LAMA1: variants seen among roughly 807,000 people sequenced by gnomAD.
LAMA1 encodes the protein laminin subunit alpha-1.
LAMA1 carries 219 observed loss-of-function variants against 348.7 expected under a neutral mutation model. The ratio of observed to expected loss-of-function variants is 0.63; its 90% CI spans 0.56 to 0.70. LAMA1 has a LOEUF of 0.70. Among genes scored for constraint, LAMA1 ranks in the 30% least tolerant of loss-of-function variants. The pLI, the probability that LAMA1 is intolerant of heterozygous loss-of-function variation, is 0.00. For missense variants in LAMA1, 3,744 were observed against 3,888.0 expected (o/e 0.96, Z 0.99); for synonymous variants, 1,487 against 1,491.0 (o/e 1.00, Z 0.06).
chr18:7,064,383 G>C (rs1378466848), intron 3 of LAMA1, among the ~76,000 whole-genome samples: 1 of 152,090 alleles, frequency 6.6e-6, no homozygotes, highest in Non-Finnish European at 1.5e-5. Context: ...TCTAGGCAGG[G>C]GCCAACTCCA....
rs747893809 is a variant in LAMA1, at chr18:6,955,421, A to G, written c.8139T>C (p.Ala2713=). 5.5e-5 allele frequency: 89 copies of G among 1,614,140 alleles called. No homozygotes were observed. Among genetic ancestry groups the G allele is most frequent in the Non-Finnish European group, 7.5e-5 (89 of 1,180,036 alleles). The change falls in exon 57 of 63, where the codon GCT becomes GCC. Residue 2713 remains alanine (A), a synonymous_variant. Transcript: ENST00000389658. ...VDAALEYVPG[A]HQFGLTQNSH... ...TGTTTTGTGTGAGACCAAACTGGTG[A>G]GCGCCGGGAACGTACTCCAGAGCTG...
chr18:6,968,063 A>G (rs957529532), intron 48 of LAMA1, among the ~76,000 whole-genome samples: 2 of 152,216 alleles, frequency 1.3e-5, no homozygotes, highest in Admixed American at 6.5e-5. Context: ...ATGTGCCTCA[A>G]CAGTCGGCCC....
intron 13 of LAMA1, among the ~76,000 whole-genome samples, chr18:7,035,479 G>A (rs1053570028): frequency 2.6e-5 from 4 of 151,872 alleles, no homozygotes. Flanking sequence ...TTGGAGTGCA[G>A]TGGTGCAATC....
chr18:7,004,850 C>T (rs373301107), intron 29 of LAMA1, among the ~76,000 whole-genome samples: 196 of 152,230 alleles, frequency 1.3e-3, no homozygotes, highest in African/African-American at 4.5e-3. Context: ...AGGGAAGGTC[C>T]TGAGCTCAAA....
At chr18:7,098,791 C>T (rs1312836037) in intron 1 of LAMA1, among the ~76,000 whole-genome samples, 2 of 129,864 alleles carry the variant, frequency 1.5e-5, no homozygotes, top group Non-Finnish European at 3.4e-5. Flanking sequence ...GCCACCCCTA[C>T]TGGGAAGTGA....
At chr18:6,961,279 T>C (rs951882364) in intron 53 of LAMA1, among the ~76,000 whole-genome samples, 1 of 152,100 alleles carries the variant, frequency 6.6e-6, no homozygotes, top group Non-Finnish European at 1.5e-5. Flanking sequence ...TGAAGAAAAA[T>C]GACCACAACA....
Position 6,971,896 on chromosome 18 carries a change from T to C in LAMA1, c.6860A>G (p.Tyr2287Cys), listed in dbSNP as rs375511472. The change falls in exon 48 of 63, where the codon TAT (tyrosine) becomes TGT (cysteine). Residue 2287 changes from tyrosine (Y) to cysteine (C), a missense_variant. Physicochemically the swap from Tyr to Cys is radical, Grantham distance 194 (BLOSUM62 -2). This residue lies in a region of LAMA1 where 1,983 missense variants were observed against 1,934.3 expected (regional missense o/e 1.03). Transcript: ENST00000389658. ...ACGGCACTTGCCTTCCCTTTCAATA[T>C]AGTTCCATAGGCCTATGGATTTTCC... is the stretch of plus-strand genomic sequence containing the variant. ...LNGKSIGLWN[Y>C]IEREGKCRGC... 1.6e-5 allele frequency: 26 copies of C among 1,614,064 alleles called. No homozygotes were observed. The highest frequency in any genetic ancestry group is 1.2e-4 in the Admixed American group (7 of 60,008).
chr18:7,057,174 TC>T (rs2143738955), intron 3 of LAMA1, among the ~76,000 whole-genome samples: 1 of 152,232 alleles, frequency 6.6e-6, no homozygotes, highest in Non-Finnish European at 1.5e-5. Flanking sequence ...AACTCTGAAT[TC>T]TTACAACAAC....
At chr18:7,041,990 T>C (rs142779915) in intron 9 of LAMA1, among the ~76,000 whole-genome samples, 155 bp downstream of exon 9, 573 of 152,354 alleles carry the variant, frequency 3.8e-3, no homozygotes, top group Middle Eastern at 0.031. Flanking sequence ...CCTCAAAAAC[T>C]GCCTGACACA....
intron 7 of LAMA1, among the ~76,000 whole-genome samples, chr18:7,044,346 G>A (rs560775374): frequency 1.3e-5 from 2 of 152,050 alleles, no homozygotes; most frequent in African/African-American, 2.4e-5. Context: ...TGGAAGTCAT[G>A]CTTTTAACTA....
chr18:7,036,641 C>T (rs375323338), intron 12 of LAMA1, among the ~76,000 whole-genome samples: 18 of 150,028 alleles, frequency 1.2e-4, no homozygotes, highest in African/African-American at 3.7e-4. Flanking sequence ...GAAGTGATAT[C>T]AAGAGAAAAA....
intron 33 of LAMA1, among the ~76,000 whole-genome samples, chr18:6,997,281 C>T (rs1314097686): frequency 1.3e-5 from 2 of 152,194 alleles, no homozygotes; most frequent in Non-Finnish European, 2.9e-5. Flanking sequence ...CCAGGATGGT[C>T]TCGATCTCTT....
rs556028325 is a variant in LAMA1 at position 7,096,122 on chromosome 18, G to A, written c.62-15665C>T. Among the ~76,000 whole-genome samples the A allele has an allele frequency of 2.6e-5, 4 of 152,336 alleles. No individual in the cohort carries two copies. In the South Asian group the frequency reaches 8.3e-4, roughly 32 times the overall value. On this transcript the variant is annotated intron_variant, in intron 1 of 62. Transcript: ENST00000389658. ...TGTGGTATGGTATATGTGTGTGTGA[G>A]AGACACAGGTTAAGCAGCTAGTATT...
chr18:6,989,707 G>C (rs7505605), intron 36 of LAMA1, among the ~76,000 whole-genome samples: 17 of 151,740 alleles, frequency 1.1e-4, no homozygotes, highest in African/African-American at 3.9e-4. Context: ...GGAACAGGTG[G>C]GGGTGGGGGC....
intron 1 of LAMA1, among the ~76,000 whole-genome samples, chr18:7,094,785 C>T (rs1194468874): frequency 1.3e-5 from 2 of 152,166 alleles, no homozygotes; most frequent in Non-Finnish European, 2.9e-5. Flanking sequence ...TTAAGTCAAA[C>T]CAGTGCAGTT....
chr18:6,975,815 C>T (rs1056287676), intron 45 of LAMA1, 122 bp downstream of exon 45: 4 of 1,139,236 alleles, frequency 3.5e-6, no homozygotes, highest in Non-Finnish European at 2.6e-6. Flanking sequence ...AAGGTTAGTC[C>T]CTATGGGAGA....
At chr18:7,015,643 A>T in intron 22 of LAMA1, 79 bp downstream of exon 22, 2 of 1,558,718 alleles carry the variant, frequency 1.3e-6, no homozygotes, top group Non-Finnish European at 8.8e-7. Context: ...AGTCCAGAAA[A>T]TATATAGAAG....
intron 3 of LAMA1, among the ~76,000 whole-genome samples, chr18:7,069,460 G>A (rs989591381): frequency 6.6e-6 from 1 of 152,154 alleles, no homozygotes; most frequent in African/African-American, 2.4e-5. Flanking sequence ...TTTAAAACAG[G>A]CCTCAAATTC....
intron 1 of LAMA1, among the ~76,000 whole-genome samples, chr18:7,103,909 G>A (rs1464307418): frequency 6.6e-6 from 1 of 152,098 alleles, no homozygotes; most frequent in South Asian, 2.1e-4. Context: ...TCTTCGCTCT[G>A]CTTCCTCACT....
Sources: allele counts gnomAD v4.1 joint callset (sites outside exome capture counted in the v4.1 genomes callset), GRCh38; gene constraint gnomAD v4.1.1; regional missense constraint gnomAD v4.1.1; transcripts MANE v1.5; gene names NCBI Gene and HGNC (gene_info 2026-07-23, HGNC 2026-07-21).